The following FHIT variants were observed in gnomAD, a reference collection of about 807,000 sequenced individuals.
FHIT encodes bis(5'-adenosyl)-triphosphatase.
A neutral mutation model predicts 17.9 loss-of-function variants in FHIT; 19 were observed. That is an observed-to-expected ratio of 1.06 (90% CI 0.74 to 1.56). The LOEUF is 1.56. Ranked by LOEUF, FHIT falls within the 40% of genes most tolerant of loss-of-function variation. The pLI is 0.00. For missense variants in FHIT, 248 were observed against 189.2 expected (o/e 1.31, Z -1.82); for synonymous variants, 81 against 69.7 (o/e 1.16, Z -0.81).
intron 5 of FHIT, among the ~76,000 whole-genome samples, chr3:60,418,059 A>G (rs1261121889): frequency 6.6e-6 from 1 of 152,104 alleles, no homozygotes; most frequent in African/African-American, 2.4e-5. Context: ...TTTATGGCAC[A>G]TAAATGGGCC....
intron 8 of FHIT, among the ~76,000 whole-genome samples, chr3:59,894,598 G>A (rs367836844): frequency 2.0e-4 from 31 of 152,252 alleles, no homozygotes; most frequent in Middle Eastern, 3.4e-3. Context: ...TTATATGATT[G>A]AATCAGTGAA....
rs572518239 is a variant in FHIT at position 60,823,201 on chromosome 3, A to G, written c.-110-1190T>C. ...TAGAGGAGACAAACAAACAAAATAC[A>G]TATGTAAAATACATGAGTGGTTAAA... On this transcript the variant is annotated intron_variant, in intron 3 of 9. Transcript: ENST00000492590. 1.8e-4 allele frequency among the ~76,000 whole-genome samples: 28 copies of G among 152,276 alleles called. No homozygotes were observed. The East Asian group carries it at 5.4e-3, about 29-fold the overall frequency.
chr3:60,999,915 G>A (rs1030195573), intron 3 of FHIT, among the ~76,000 whole-genome samples: 2 of 152,086 alleles, frequency 1.3e-5, no homozygotes, highest in Non-Finnish European at 1.5e-5. Flanking sequence ...CACAGATGAT[G>A]GCTTCTGTCT....
chr3:60,114,705 G>A (rs1365487104), intron 5 of FHIT, among the ~76,000 whole-genome samples: 1 of 151,730 alleles, frequency 6.6e-6, no homozygotes, highest in Non-Finnish European at 1.5e-5. Context: ...TCTTTGCCAG[G>A]CTGGTCTCAA....
At chr3:60,961,259 C>G (rs937167084) in intron 3 of FHIT, among the ~76,000 whole-genome samples, 2 of 150,682 alleles carry the variant, frequency 1.3e-5, no homozygotes, top group Non-Finnish European at 3.0e-5. Flanking sequence ...TCATATCCTT[C>G]GTTCACTTTT....
intron 5 of FHIT, among the ~76,000 whole-genome samples, chr3:60,300,039 G>C: frequency 6.6e-6 from 1 of 151,994 alleles, no homozygotes; most frequent in Non-Finnish European, 1.5e-5. Context: ...TTAGTTCCAG[G>C]GCTGGGATAG....
At chr3:60,694,189 T>C (rs2041060882) in intron 4 of FHIT, among the ~76,000 whole-genome samples, 1 of 152,108 alleles carries the variant, frequency 6.6e-6, no homozygotes, top group South Asian at 2.1e-4. Flanking sequence ...GATGCTGACC[T>C]TTACTGTTTT....
At chr3:60,652,327 G>A (rs187180084) in intron 4 of FHIT, among the ~76,000 whole-genome samples, 10 of 152,250 alleles carry the variant, frequency 6.6e-5, no homozygotes, top group African/African-American at 1.4e-4. Context: ...TAGGCCAGGC[G>A]TGGTAGTTCA....
intron 4 of FHIT, among the ~76,000 whole-genome samples, chr3:60,770,791 A>C (rs574994813): frequency 6.6e-6 from 1 of 152,334 alleles, no homozygotes; most frequent in Non-Finnish European, 1.5e-5. Flanking sequence ...ATTGTTCCCA[A>C]AAGCTTAGCC....
At chr3:60,243,100 T>A (rs979149087) in intron 5 of FHIT, among the ~76,000 whole-genome samples, 20 of 151,978 alleles carry the variant, frequency 1.3e-4, no homozygotes, top group Admixed American at 5.2e-4. Flanking sequence ...GCCACTCATA[T>A]TTAACACTGA....
At chr3:61,043,679 T>G (rs13077491) in intron 2 of FHIT, among the ~76,000 whole-genome samples, 1 of 152,190 alleles carries the variant, frequency 6.6e-6, no homozygotes, top group South Asian at 2.1e-4. Flanking sequence ...AGACTGCCTC[T>G]TCAAGTGGGT....
At chr3:60,236,614 C>G (rs1704810260) in intron 5 of FHIT, among the ~76,000 whole-genome samples, 1 of 152,120 alleles carries the variant, frequency 6.6e-6, no homozygotes, top group Admixed American at 6.5e-5. Context: ...TTTTTAGAGA[C>G]CAGTTGCCTT....
chr3:60,321,890 A>T (rs895701263), intron 5 of FHIT, among the ~76,000 whole-genome samples: 1 of 152,182 alleles, frequency 6.6e-6, no homozygotes, highest in Non-Finnish European at 1.5e-5. Flanking sequence ...CTCCTTTAAG[A>T]GGGTGCTAAT....
intron 3 of FHIT, among the ~76,000 whole-genome samples, chr3:60,939,696 G>A (rs529750731): frequency 1.3e-5 from 2 of 152,004 alleles, no homozygotes; most frequent in South Asian, 2.1e-4. Context: ...TATTATAACC[G>A]AAGACATAAA....
intron 5 of FHIT, among the ~76,000 whole-genome samples, chr3:60,050,569 T>G (rs13062399): frequency 0.38 from 56,565 of 150,316 alleles, 12,019 homozygotes; most frequent in Middle Eastern, 0.6. Flanking sequence ...TTTCAGGCTG[T>G]TCCCAGACCT....
At chr3:60,334,615 A>G (rs1304990098) in intron 5 of FHIT, among the ~76,000 whole-genome samples, 1 of 152,196 alleles carries the variant, frequency 6.6e-6, no homozygotes, top group Non-Finnish European at 1.5e-5. Context: ...GTGAAATGCC[A>G]TCTCTAACAA....
chr3:60,648,398 A>G (rs2107802692), intron 4 of FHIT, among the ~76,000 whole-genome samples: 1 of 152,310 alleles, frequency 6.6e-6, no homozygotes, highest in East Asian at 1.9e-4. Context: ...GCTTAAACTC[A>G]GGAAAATCAA....
At chr3:60,811,695 C>G (rs1701575816) in intron 4 of FHIT, among the ~76,000 whole-genome samples, 1 of 152,060 alleles carries the variant, frequency 6.6e-6, no homozygotes, top group Non-Finnish European at 1.5e-5. Flanking sequence ...ATAGAAAACC[C>G]CAGAAGCAAG....
intron 5 of FHIT, among the ~76,000 whole-genome samples, chr3:60,272,442 AG>A (rs1706907117): frequency 6.6e-6 from 1 of 152,162 alleles, no homozygotes; most frequent in East Asian, 1.9e-4. Flanking sequence ...ATGTCAGAAA[AG>A]TCAGTGTGTG....
Sources: allele counts gnomAD v4.1 joint callset (sites outside exome capture counted in the v4.1 genomes callset), GRCh38; gene constraint gnomAD v4.1.1; transcripts MANE v1.5; gene names NCBI Gene and HGNC (gene_info 2026-07-23, HGNC 2026-07-21).